The following CSMD1 variants were observed in gnomAD, a reference collection of about 807,000 sequenced individuals.
The protein encoded by CSMD1 is CUB and sushi domain-containing protein 1.
Under a neutral mutation model 417.5 loss-of-function variants are expected in CSMD1, and 213 were observed. The ratio of observed to expected loss-of-function variants is 0.51; its 90% confidence interval spans 0.46 to 0.57. The LOEUF (loss-of-function observed/expected upper bound fraction) is 0.57. Ranked by LOEUF, CSMD1 falls within the 20% of genes least tolerant of loss-of-function variation. CSMD1 has a pLI of 0.00. For synonymous variants in CSMD1, 2,862 were observed against 1,736.8 expected (o/e 1.65, Z -16.11); for missense variants, 6,923 against 4,529.7 (o/e 1.53, Z -15.17).
chr8:3,874,154 G>A (rs985450000), intron 5 of CSMD1, among the ~76,000 whole-genome samples: 3 of 152,230 alleles, frequency 2.0e-5, no homozygotes, highest in Admixed American at 6.5e-5. Context: ...GATGCAATCT[G>A]CTATGTGCTA....
chr8:4,165,176 C>T (rs545189207), intron 3 of CSMD1, among the ~76,000 whole-genome samples: 47 of 152,294 alleles, frequency 3.1e-4, no homozygotes, highest in Admixed American at 2.4e-3. Context: ...ATACCTACGC[C>T]TAGCCAGTAA....
chr8:4,806,502 C>G (rs1236248791), intron 1 of CSMD1, among the ~76,000 whole-genome samples: 2 of 152,226 alleles, frequency 1.3e-5, no homozygotes, highest in African/African-American at 4.8e-5. Context: ...ACATTGCATT[C>G]ACTTCTTTCC....
intron 5 of CSMD1, among the ~76,000 whole-genome samples, chr8:3,813,195 C>T (rs1306317729): frequency 6.7e-6 from 1 of 150,124 alleles, no homozygotes; most frequent in Non-Finnish European, 1.5e-5. Flanking sequence ...AATTTTACTT[C>T]AGTCAGGTAT....
chr8:4,513,585 T>C (rs1425407295), intron 2 of CSMD1, among the ~76,000 whole-genome samples: 2 of 152,274 alleles, frequency 1.3e-5, no homozygotes, highest in East Asian at 3.9e-4. Flanking sequence ...ATTAAGCACA[T>C]TTGTGTTAAA....
chr8:3,977,615 A>C (rs1231145264), intron 5 of CSMD1, among the ~76,000 whole-genome samples: 1 of 152,220 alleles, frequency 6.6e-6, no homozygotes, highest in Admixed American at 6.5e-5. Context: ...AGTGAGTGCT[A>C]AGAAGAGCAT....
At chr8:4,578,338 T>TTTTTTTTTTTTTTTTTTTTTTTG (rs1799240920) in intron 2 of CSMD1, among the ~76,000 whole-genome samples, 1 of 126,386 alleles carries the variant, frequency 7.9e-6, no homozygotes, top group African/African-American at 4.1e-5. Flanking sequence ...GCTCATTTTT[T>TTTTTTTTTTTTTTTTTTTTTTTG]TTTTTTTTTT....
chr8:4,303,796 C>T (rs1367076593), intron 3 of CSMD1, among the ~76,000 whole-genome samples: 1 of 152,030 alleles, frequency 6.6e-6, no homozygotes. Context: ...GCTGGGACTA[C>T]AGGCACACTC....
intron 3 of CSMD1, among the ~76,000 whole-genome samples, chr8:4,410,423 C>G (rs536922957): frequency 6.6e-6 from 1 of 152,272 alleles, no homozygotes; most frequent in African/African-American, 2.4e-5. Flanking sequence ...TTCCCTAACA[C>G]TTTGCATTTC....
At chr8:4,587,151 G>A (rs368609152) in intron 2 of CSMD1, among the ~76,000 whole-genome samples, 3 of 152,030 alleles carry the variant, frequency 2.0e-5, no homozygotes, top group African/African-American at 4.8e-5. Flanking sequence ...TGATTTTTCT[G>A]CCCATCGTGA....
chr8:4,406,952 G>A (rs1239279770), intron 3 of CSMD1, among the ~76,000 whole-genome samples: 1 of 152,200 alleles, frequency 6.6e-6, no homozygotes, highest in East Asian at 1.9e-4. Flanking sequence ...AAAGGGAAGA[G>A]TATCTTGTTT....
At chr8:3,538,981 G>T (rs1272762226) in intron 10 of CSMD1, among the ~76,000 whole-genome samples, 4 of 152,148 alleles carry the variant, frequency 2.6e-5, no homozygotes, top group Admixed American at 2.6e-4. Flanking sequence ...TAGAAATCCT[G>T]CAGCAGCATC....
intron 6 of CSMD1, among the ~76,000 whole-genome samples, chr8:3,752,809 T>C (rs952316771): frequency 6.6e-6 from 1 of 152,086 alleles, no homozygotes; most frequent in East Asian, 1.9e-4. Flanking sequence ...CTGGTTCCGA[T>C]GTGTACTTCT....
intron 1 of CSMD1, among the ~76,000 whole-genome samples, chr8:4,761,657 G>C (rs142221764): frequency 6.6e-6 from 1 of 151,984 alleles, no homozygotes; most frequent in African/African-American, 2.4e-5. Context: ...GAAGCATATA[G>C]ACTACCTTTA....
intron 11 of CSMD1, among the ~76,000 whole-genome samples, chr8:3,488,210 C>G (rs948112359): frequency 6.6e-6 from 1 of 151,992 alleles, no homozygotes; most frequent in Non-Finnish European, 1.5e-5. Context: ...ACAATCGACC[C>G]TTTCACCTTA....
chr8:4,114,951 G>A (rs1269030731), intron 3 of CSMD1, among the ~76,000 whole-genome samples: 1 of 152,168 alleles, frequency 6.6e-6, no homozygotes, highest in South Asian at 2.1e-4. Flanking sequence ...TGGTAAAGAT[G>A]CCATAAACAT....
chr8:4,766,859 T>C (rs1022840464), intron 1 of CSMD1, among the ~76,000 whole-genome samples: 1 of 152,234 alleles, frequency 6.6e-6, no homozygotes, highest in Non-Finnish European at 1.5e-5. Flanking sequence ...TATGTATAAA[T>C]ATATAAATAT....
intron 1 of CSMD1, among the ~76,000 whole-genome samples, chr8:4,732,806 C>A (rs960256761): frequency 3.9e-5 from 6 of 152,276 alleles, no homozygotes; most frequent in Non-Finnish European, 8.8e-5. Context: ...TTAGTAACTC[C>A]AGGCAGTAAA....
At chr8:3,324,859 A>G (rs1806420080) in intron 23 of CSMD1, among the ~76,000 whole-genome samples, 1 of 152,170 alleles carries the variant, frequency 6.6e-6, no homozygotes, top group East Asian at 1.9e-4. Context: ...TTTCAAGCTC[A>G]ATATTCCCAA....
At chr8:4,796,290 G>T (rs116828766) in intron 1 of CSMD1, among the ~76,000 whole-genome samples, 9 of 152,006 alleles carry the variant, frequency 5.9e-5, no homozygotes, top group Non-Finnish European at 1.0e-4. Flanking sequence ...GGATTTGGCA[G>T]AAGGCATTCC....
Sources: gnomAD v4.1 joint callset for allele counts (sites outside exome capture counted in the v4.1 genomes callset) on GRCh38, gnomAD v4.1.1 for gene constraint, MANE v1.5 for transcripts, NCBI Gene and HGNC (gene_info 2026-07-23, HGNC 2026-07-21) for gene names.